GRAMD1B: variants seen among roughly 807,000 people sequenced by gnomAD.
GRAMD1B encodes the protein GRAM domain containing 1B, also known as protein Aster-B.
In GRAMD1B, 37 loss-of-function variants were observed where a neutral mutation model predicts 99.7. The observed-to-expected ratio is 0.37, with a 90% CI of 0.29 to 0.49. GRAMD1B has a LOEUF of 0.49. Ranked by LOEUF, GRAMD1B falls within the 20% of genes least tolerant of loss-of-function variation. The probability of loss-of-function intolerance (pLI) is 0.98; values close to 1 mark genes in which losing one functional copy is unlikely to be tolerated. For synonymous variants in GRAMD1B, 427 were observed against 387.6 expected (o/e 1.10, Z -1.19); for missense variants, 888 against 1,009.2 (o/e 0.88, Z 1.63).
At chr11:123,606,571 G>C (rs1029477615) in intron 10 of GRAMD1B, 38 bp from the exon 11 acceptor site, 21 of 1,567,180 alleles carry the variant, frequency 1.3e-5, no homozygotes, top group Non-Finnish European at 1.8e-5. Flanking sequence ...ATCCAGACCA[G>C]GTTTCCCTGG....
At position 123,623,445 on chromosome 11, in the gene GRAMD1B, T is replaced by C. The variant is rs1955328479; in HGVS notation, c.*850T>C. 6.6e-6 allele frequency: 1 copy of C among 152,200 alleles called. No homozygotes were observed. The highest frequency in any genetic ancestry group is 2.4e-5 in the African/African-American group (1 of 41,450). 9.4% of individuals were successfully genotyped at this position (152,200 alleles called of 1,614,324 possible). A position where few individuals can be genotyped will look rare whatever the true frequency, so the allele number is the denominator to read the frequency against. ...TTGTTTATTAGCCAGGGTGGAGCGT[T>C]TTCGACCTTATTAAACCTCTTTTAG... On this transcript the variant is annotated 3_prime_UTR_variant, in exon 20 of 20. Coordinates refer to ENST00000635736, the MANE Select transcript of GRAMD1B (RefSeq NM_001387025.1).
chr11:123,534,096 CACA>C (rs1943695754), intron 2 of GRAMD1B, among the ~76,000 whole-genome samples: 1 of 152,252 alleles, frequency 6.6e-6, no homozygotes, highest in East Asian at 1.9e-4. Flanking sequence ...CTTTTGACTT[CACA>C]ACATCTTAAC....
chr11:123,519,813 G>C (rs1256497739), intron 2 of GRAMD1B, among the ~76,000 whole-genome samples: 3 of 152,236 alleles, frequency 2.0e-5, no homozygotes, highest in Non-Finnish European at 2.9e-5. Context: ...ACCCAAGGTC[G>C]TGGGATTCTG....
chr11:123,485,089 A>G (rs3016478), intron 2 of GRAMD1B, among the ~76,000 whole-genome samples: 150,655 of 152,302 alleles, frequency 0.99, 74,514 homozygotes, highest in East Asian at 1. Flanking sequence ...TGGGTGGCAG[A>G]TGGAGCTGGG....
At chr11:123,573,868 G>T (rs1216353340) in intron 2 of GRAMD1B, among the ~76,000 whole-genome samples, 1 of 152,146 alleles carries the variant, frequency 6.6e-6, no homozygotes, top group Admixed American at 6.5e-5. Context: ...CTGTCACTAG[G>T]ATGGGATTCA....
At chr11:123,443,289 G>A (rs536491638) in intron 1 of GRAMD1B, among the ~76,000 whole-genome samples, 9 of 152,296 alleles carry the variant, frequency 5.9e-5, no homozygotes, top group South Asian at 4.1e-4. Context: ...GTACATAGGT[G>A]TAGATGAAAA....
intron 4 of GRAMD1B, 109 bp from the exon 5 acceptor site, chr11:123,593,973 C>A (rs1950966357): frequency 1.3e-6 from 1 of 756,970 alleles, no homozygotes; most frequent in Non-Finnish European, 2.4e-6. Context: ...GAGGGCAGAG[C>A]CTCATCTTTG....
At chr11:123,360,736 TTTCCTTCCTTCTTTCCTTCC>T (rs1565447704) in intron 1 of GRAMD1B, among the ~76,000 whole-genome samples, 27 of 151,472 alleles carry the variant, frequency 1.8e-4, no homozygotes, top group South Asian at 6.3e-4. Flanking sequence ...AATCACATTC[TTTCCTTCCTTCTTTCCTTCC>T]TTCCTTCCTT....
intron 1 of GRAMD1B, among the ~76,000 whole-genome samples, chr11:123,480,502 G>A (rs1315052393): frequency 1.3e-5 from 2 of 152,146 alleles, no homozygotes; most frequent in South Asian, 2.1e-4. Flanking sequence ...GGAGTGGGTA[G>A]AGAGAATGCT....
intron 1 of GRAMD1B, among the ~76,000 whole-genome samples, chr11:123,381,146 C>T (rs1470376530): frequency 6.6e-6 from 1 of 152,138 alleles, no homozygotes; most frequent in African/African-American, 2.4e-5. Flanking sequence ...ACTCCCTCTC[C>T]AACTCTTCCT....
rs115819042 is a variant in GRAMD1B at position 123,619,557 on chromosome 11, C to T, written c.2544+333C>T. 1,294 of 1,183,520 alleles carry T rather than the reference C, an allele frequency of 1.1e-3. 12 individuals carry two copies. In the African/African-American group the frequency reaches 0.019, roughly 17 times the overall value. The allele number at this position is 1,183,520 out of a possible 1,614,324, so 73.3% of individuals were successfully genotyped here. On this transcript the variant is annotated intron_variant, in intron 19 of 19. Coordinates refer to ENST00000635736, the MANE Select transcript of GRAMD1B (RefSeq NM_001387025.1). ...GCATTTAAACAGAGAACCCCCTCAG[C>T]CCTTTTACAGAGATTTGTCTTCCCA...
At chr11:123,472,558 G>A (rs1195916418) in intron 1 of GRAMD1B, among the ~76,000 whole-genome samples, 2 of 152,196 alleles carry the variant, frequency 1.3e-5, no homozygotes, top group African/African-American at 2.4e-5. Flanking sequence ...TTTAATAGGC[G>A]AAAGAAAGAG....
chr11:123,453,448 C>G (rs1949978016), intron 1 of GRAMD1B, among the ~76,000 whole-genome samples: 1 of 152,088 alleles, frequency 6.6e-6, no homozygotes, highest in African/African-American at 2.4e-5. Context: ...TCCCAAGTAG[C>G]AGAAATTACA....
chr11:123,531,741 T>G (rs918565936), intron 2 of GRAMD1B, among the ~76,000 whole-genome samples: 4 of 149,448 alleles, frequency 2.7e-5, no homozygotes, highest in Admixed American at 6.7e-5. Flanking sequence ...TTTTTTTTTT[T>G]TTTTTTTTTT....
chr11:123,498,780 T>C (rs1434673117), intron 2 of GRAMD1B, among the ~76,000 whole-genome samples: 1 of 152,144 alleles, frequency 6.6e-6, no homozygotes, highest in Non-Finnish European at 1.5e-5. Context: ...AATATGCAGA[T>C]TCGTAGGCCC....
chr11:123,503,142 G>A (rs1315882188), intron 2 of GRAMD1B, among the ~76,000 whole-genome samples: 1 of 152,214 alleles, frequency 6.6e-6, no homozygotes, highest in Non-Finnish European at 1.5e-5. Context: ...GAAGTCCTCT[G>A]CAGCCTGGCA....
At chr11:123,505,054 A>T (rs778497101) in intron 2 of GRAMD1B, among the ~76,000 whole-genome samples, 41 of 151,866 alleles carry the variant, frequency 2.7e-4, no homozygotes, top group Admixed American at 7.2e-4. Context: ...ACATTTTTCT[A>T]CCACTCTCCC....
chr11:123,387,411 AGACT>A (rs1284447716), intron 1 of GRAMD1B, among the ~76,000 whole-genome samples: 2 of 152,246 alleles, frequency 1.3e-5, no homozygotes, highest in East Asian at 3.9e-4. Context: ...CATCACAGCC[AGACT>A]GTATTTAGAA....
At chr11:123,559,791 GC>G in intron 2 of GRAMD1B, 1 of 533,152 alleles carries the variant, frequency 1.9e-6, no homozygotes, top group African/African-American at 2.1e-5. Flanking sequence ...CACTGAAGAG[GC>G]CCTCGGCCAT....
Sources: allele counts gnomAD v4.1 joint callset (sites outside exome capture counted in the v4.1 genomes callset), GRCh38; gene constraint gnomAD v4.1.1; transcripts MANE v1.5; gene names NCBI Gene and HGNC (gene_info 2026-07-23, HGNC 2026-07-21).